Variants in MGMT observed in about 807,000 individuals in gnomAD.
MGMT encodes O-6-methylguanine-DNA methyltransferase.
In MGMT, 14 loss-of-function variants were observed where a neutral mutation model predicts 15.9. The observed-to-expected ratio is 0.88, with a 90% CI of 0.58 to 1.37. The LOEUF (loss-of-function observed/expected upper bound fraction) is 1.37, where lower values mean the gene tolerates loss of function less well. Ranked by LOEUF, MGMT falls within the 40% of genes most tolerant of loss-of-function variation. The pLI, the probability that MGMT is intolerant of heterozygous loss-of-function variation, is 0.00. For synonymous variants in MGMT, 130 were observed against 118.2 expected (o/e 1.10, Z -0.65); for missense variants, 282 against 268.1 (o/e 1.05, Z -0.36).
intron 3 of MGMT, among the ~76,000 whole-genome samples, chr10:129,736,207 T>C (rs1165051915): frequency 6.8e-6 from 1 of 147,688 alleles, no homozygotes; most frequent in Non-Finnish European, 1.5e-5. Flanking sequence ...AGTCTCTTTG[T>C]AGGTCACTCA....
rs56157677 is a variant in MGMT at position 129,766,958 on chromosome 10, G to A, written c.585G>A (p.Ala195=). 87 of 1,610,328 alleles carry A rather than the reference G, an allele frequency of 5.4e-5. No homozygotes were observed. The African/African-American group carries it at 8.0e-4, about 15-fold the overall frequency. ...TGGCAGGGGCCTGGCTCAAGGGAGC[G>A]GGAGCTACCTCGGGCTCCCCGCCTG... ...SGLAGAWLKG[A]GATSGSPPAG... is the part of the protein sequence containing the mutation. Residue 195 remains alanine, a synonymous_variant, in exon 5 of 5, where the codon GCG becomes GCA. Transcript: ENST00000651593.
chr10:129,676,067 G>A (rs1847781932), intron 2 of MGMT, among the ~76,000 whole-genome samples: 2 of 152,180 alleles, frequency 1.3e-5, no homozygotes, highest in South Asian at 4.1e-4. Flanking sequence ...TGGCTGAGCA[G>A]GGTGCACCCT....
intron 2 of MGMT, among the ~76,000 whole-genome samples, chr10:129,612,122 T>C (rs2133068960): frequency 6.6e-6 from 1 of 152,258 alleles, no homozygotes; most frequent in South Asian, 2.1e-4. Context: ...ACTTCCAGCT[T>C]ATAGGTAGAT....
At chr10:129,483,330 A>T (rs1049124879) in intron 1 of MGMT, among the ~76,000 whole-genome samples, 3 of 152,122 alleles carry the variant, frequency 2.0e-5, no homozygotes, top group African/African-American at 7.2e-5. Flanking sequence ...ATTTACATTT[A>T]TTTGCATATT....
intron 1 of MGMT, among the ~76,000 whole-genome samples, chr10:129,531,786 G>T (rs1025554252): frequency 5.2e-4 from 21 of 40,354 alleles, no homozygotes; most frequent in Non-Finnish European, 9.3e-4. Flanking sequence ...TGGTGGGGGT[G>T]GGGGGGGGTG....
intron 3 of MGMT, among the ~76,000 whole-genome samples, chr10:129,750,496 C>T (rs1477977185): frequency 6.6e-6 from 1 of 152,022 alleles, no homozygotes; most frequent in East Asian, 1.9e-4. Flanking sequence ...TGTTCAACAA[C>T]AAGGAAAGAA....
At chr10:129,749,682 A>T (rs1376634167) in intron 3 of MGMT, among the ~76,000 whole-genome samples, 1 of 152,184 alleles carries the variant, frequency 6.6e-6, no homozygotes, top group Non-Finnish European at 1.5e-5. Context: ...CTGTCTTTGA[A>T]AGAAATTGCA....
At chr10:129,741,172 C>T (rs59194768) in intron 3 of MGMT, among the ~76,000 whole-genome samples, 37,203 of 152,048 alleles carry the variant, frequency 0.24, 5,136 homozygotes, top group Admixed American at 0.36. Context: ...GTCAGCCTCC[C>T]CAGCCCTGGT....
intron 1 of MGMT, among the ~76,000 whole-genome samples, chr10:129,515,078 C>T (rs886680544): frequency 6.6e-6 from 1 of 152,220 alleles, no homozygotes; most frequent in African/African-American, 2.4e-5. Flanking sequence ...CTTCTCCGCT[C>T]CTCAGCTTCC....
chr10:129,622,150 T>C (rs1354870108), intron 2 of MGMT, among the ~76,000 whole-genome samples: 1 of 152,228 alleles, frequency 6.6e-6, no homozygotes, highest in Non-Finnish European at 1.5e-5. Context: ...TATTCATTAA[T>C]TTTGCTTTGA....
intron 2 of MGMT, among the ~76,000 whole-genome samples, chr10:129,651,698 G>A (rs976942654): frequency 2.6e-5 from 4 of 152,044 alleles, no homozygotes; most frequent in African/African-American, 9.7e-5. Flanking sequence ...GCTCATCCTG[G>A]CCCTGTTGGA....
chr10:129,719,367 G>A (rs1848340987), intron 3 of MGMT, among the ~76,000 whole-genome samples: 1 of 152,256 alleles, frequency 6.6e-6, no homozygotes, highest in African/African-American at 2.4e-5. Flanking sequence ...TGCGCGCTGG[G>A]GCAACCTCGG....
chr10:129,517,417 C>T (rs554655734), intron 1 of MGMT, among the ~76,000 whole-genome samples: 62 of 152,310 alleles, frequency 4.1e-4, no homozygotes, highest in African/African-American at 1.4e-3. Flanking sequence ...TGCACTGTGC[C>T]CCTCCTGTGT....
chr10:129,643,520 C>T (rs1430681546), intron 2 of MGMT, among the ~76,000 whole-genome samples: 1 of 152,140 alleles, frequency 6.6e-6, no homozygotes, highest in Non-Finnish European at 1.5e-5. Flanking sequence ...AGAGCCTGGG[C>T]TTGAGAGTCG....
At chr10:129,654,195 G>A (rs1349492563) in intron 2 of MGMT, among the ~76,000 whole-genome samples, 4 of 152,178 alleles carry the variant, frequency 2.6e-5, no homozygotes, top group African/African-American at 9.6e-5. Context: ...TAGCCCATCT[G>A]TGGTTTGGGA....
At chr10:129,509,084 G>A (rs553561611) in intron 1 of MGMT, among the ~76,000 whole-genome samples, 6 of 152,192 alleles carry the variant, frequency 3.9e-5, no homozygotes, top group African/African-American at 9.6e-5. Flanking sequence ...CGTCATTTCC[G>A]GGTGAAGCCA....
chr10:129,608,052 G>A (rs1352933467), intron 2 of MGMT, among the ~76,000 whole-genome samples: 1 of 152,146 alleles, frequency 6.6e-6, no homozygotes, highest in Non-Finnish European at 1.5e-5. Flanking sequence ...AAAACAAAAG[G>A]GAAAATTGCA....
intron 2 of MGMT, among the ~76,000 whole-genome samples, chr10:129,657,689 A>ACACACACACACACG (rs1564750809): frequency 1.0e-4 from 14 of 140,458 alleles, no homozygotes; most frequent in African/African-American, 3.7e-4. Context: ...ACACACACAC[A>ACACACACACACACG]CACACACACA....
At chr10:129,766,048 G>A (rs1308730655) in intron 4 of MGMT, among the ~76,000 whole-genome samples, 1 of 152,188 alleles carries the variant, frequency 6.6e-6, no homozygotes, top group Non-Finnish European at 1.5e-5. Flanking sequence ...CCCTTCCCCT[G>A]GTGGGACTGG....
Sources: gnomAD v4.1 joint callset for allele counts (sites outside exome capture counted in the v4.1 genomes callset) on GRCh38, gnomAD v4.1.1 for gene constraint, MANE v1.5 for transcripts, NCBI Gene and HGNC (gene_info 2026-07-23, HGNC 2026-07-21) for gene names.